The following AGPAT4 variants were observed in gnomAD, a reference collection of about 807,000 sequenced individuals.
AGPAT4 encodes the protein 1-acylglycerol-3-phosphate O-acyltransferase 4.
AGPAT4 carries 15 observed loss-of-function variants against 48.0 expected under a neutral mutation model. The observed-to-expected ratio is 0.31, with a 90% CI of 0.21 to 0.48. The LOEUF (loss-of-function observed/expected upper bound fraction) is 0.48, where lower values mean the gene tolerates loss of function less well. Among genes scored for constraint, AGPAT4 ranks in the 20% least tolerant of loss-of-function variants. The pLI is 0.99. For missense variants in AGPAT4, 314 were observed against 482.5 expected (o/e 0.65, Z 3.27); for synonymous variants, 178 against 198.7 (o/e 0.90, Z 0.88).
chr6:161,204,429 T>G lies in AGPAT4; in HGVS notation c.178+27607A>C, dbSNP rs920416298. The stretch of plus-strand genomic sequence containing the variant: ...GCATGTCTCCAATTTAATACTTACA[T>G]AACCAATTTTATCACCAGTTCCAAC... On this transcript the variant is annotated intron_variant, in intron 2 of 8. Transcript: ENST00000320285. The surrounding 1 kb of genome is among the most constrained non-coding windows in gnomAD (Gnocchi z 4.4). 6.6e-6 allele frequency among the ~76,000 whole-genome samples: 1 copy of G among 152,180 alleles called. No individual in the cohort carries two copies. The highest frequency in any genetic ancestry group is 2.4e-5 in the African/African-American group (1 of 41,448).
chr6:161,257,992 G>A (rs766748971), intron 1 of AGPAT4, among the ~76,000 whole-genome samples: 2 of 152,174 alleles, frequency 1.3e-5, no homozygotes, highest in Non-Finnish European at 2.9e-5. Context: ...AACTCAACAT[G>A]ATTTAGTTTT....
rs934768566 is a variant in AGPAT4, at chr6:161,219,962, A to G, written c.178+12074T>C. ...GGCAGGCAGGCAGACAGACAGACAG[A>G]CAGACAGGCAGGCAGATAGATACAT... On this transcript the variant is annotated intron_variant, in intron 2 of 8. Transcript: ENST00000320285. The surrounding 1 kb of genome is among the most constrained non-coding windows in gnomAD (Gnocchi z 4.9). Among the ~76,000 whole-genome samples, 24 of 150,794 alleles carry G rather than the reference A, an allele frequency of 1.6e-4. No homozygotes were observed. The highest frequency in any genetic ancestry group is 4.2e-4 in the African/African-American group (17 of 40,870).
At position 161,154,328 on chromosome 6, in the gene AGPAT4, GC is replaced by G; in HGVS notation, c.349-19del. ...TTGGAGCCCTGAAACAGAAGAAGGAGCCCAGGTGCCCATGAAGGAGACGTCA... is the reference window on the plus strand; with the variant it reads ...TTGGAGCCCTGAAACAGAAGAAGGAGCCAGGTGCCCATGAAGGAGACGTCA... On this transcript the variant is annotated intron_variant, in intron 3 of 8. Coordinates refer to ENST00000320285, the MANE Select transcript of AGPAT4 (RefSeq NM_020133.3). This position sits in a 1 kb window ranked among gnomAD's most constrained non-coding sequence, Gnocchi z 7.8. 1 of 1,613,680 alleles carries G rather than the reference GC, an allele frequency of 6.2e-7. No homozygotes were observed. The highest frequency in any genetic ancestry group is 8.5e-7 in the Non-Finnish European group (1 of 1,179,850).
At chr6:161,152,577 G>A (rs936340925) in intron 5 of AGPAT4, among the ~76,000 whole-genome samples, 3 of 152,226 alleles carry the variant, frequency 2.0e-5, no homozygotes, top group East Asian at 1.9e-4. Context: ...GGAGGAGTTC[G>A]GGGCCCCCTG....
intron 2 of AGPAT4, among the ~76,000 whole-genome samples, chr6:161,182,098 G>C (rs1288182981): frequency 6.6e-6 from 1 of 152,048 alleles, no homozygotes; most frequent in Non-Finnish European, 1.5e-5. Context: ...GCTCTGAACA[G>C]GCAGCAGGGC....
At position 161,177,847 on chromosome 6, in the gene AGPAT4, C is replaced by T. The variant is rs6902571; in HGVS notation, c.179-11430G>A. On this transcript the variant is annotated intron_variant, in intron 2 of 8. Transcript: ENST00000320285. This position sits in a 1 kb window ranked among gnomAD's most constrained non-coding sequence, Gnocchi z 5.0. Reference sequence around the variant, plus strand: ...GGAGTTTTAGTGTGGATGTCCTTTCCGTTTGTTAGTTTTCCTTCTAACAGT... The same window carrying T: ...GGAGTTTTAGTGTGGATGTCCTTTCTGTTTGTTAGTTTTCCTTCTAACAGT... 0.16 allele frequency among the ~76,000 whole-genome samples: 24,460 copies of T among 152,026 alleles called. 2,078 individuals carry two copies. Among genetic ancestry groups the T allele is most frequent in the Non-Finnish European group, 0.19 (13,026 of 67,934 alleles).
In AGPAT4 at chr6:161,222,045, G is replaced by A. The variant is rs1478132860; in HGVS notation, c.178+9991C>T. Among the ~76,000 whole-genome samples the A allele has an allele frequency of 6.6e-6, 1 of 152,160 alleles. No homozygotes were observed. Among genetic ancestry groups the A allele is most frequent in the Non-Finnish European group, 1.5e-5 (1 of 68,042 alleles). On this transcript the variant is annotated intron_variant, in intron 2 of 8. Coordinates refer to ENST00000320285, the MANE Select transcript of AGPAT4 (RefSeq NM_020133.3). The surrounding 1 kb of genome is among the most constrained non-coding windows in gnomAD (Gnocchi z 5.9). ...TCTCAGTTCCTTTCCACGAATGACT[G>A]CAATATTTGGGATGAGGGTTGACTA...
intron 8 of AGPAT4, among the ~76,000 whole-genome samples, chr6:161,136,863 T>C (rs1451411897): frequency 6.6e-6 from 1 of 152,200 alleles, no homozygotes; most frequent in African/African-American, 2.4e-5. Context: ...TTTTCCTCCT[T>C]GGACCCTGAA....
Position 161,231,317 on chromosome 6 carries a change from C to T in AGPAT4, c.178+719G>A, listed in dbSNP as rs1354022402. On this transcript the variant is annotated intron_variant, in intron 2 of 8. Transcript: ENST00000320285. The surrounding 1 kb of genome is among the most constrained non-coding windows in gnomAD (Gnocchi z 5.3). The stretch of plus-strand genomic sequence containing the variant: ...ATCTTTTTAATTGTTGAAACTCAGG[C>T]CAGTCAAATTAGTCATGTATGAAAT... Among the ~76,000 whole-genome samples, 1 of 152,072 alleles carries T rather than the reference C, an allele frequency of 6.6e-6. No homozygotes were observed. Among genetic ancestry groups the T allele is most frequent in the Non-Finnish European group, 1.5e-5 (1 of 68,020 alleles).
rs1780452089 is a variant in AGPAT4, at chr6:161,177,214, C to T, written c.179-10797G>A. 6.6e-6 allele frequency among the ~76,000 whole-genome samples: 1 copy of T among 152,200 alleles called. No homozygotes were observed. Among genetic ancestry groups the T allele is most frequent in the African/African-American group, 2.4e-5 (1 of 41,452 alleles). On this transcript the variant is annotated intron_variant, in intron 2 of 8. Coordinates refer to ENST00000320285, the MANE Select transcript of AGPAT4 (RefSeq NM_020133.3). The surrounding 1 kb of genome is among the most constrained non-coding windows in gnomAD (Gnocchi z 5.0). ...GCCTTGATAGGTTGGGGAAGTTATC[C>T]TGGATAATATCCTGTAGAGTGTTTT... is the stretch of plus-strand genomic sequence containing the variant.
In AGPAT4 at chr6:161,261,007, C is replaced by A. The variant is rs887021586; in HGVS notation, c.-90+12931G>T. ...GCACACTGAACCACGTCTTCGCCTT[C>A]TAGAATTTCCTGAGCAGGGCTCACT... On this transcript the variant is annotated intron_variant, in intron 1 of 8. Transcript: ENST00000320285. This position sits in a 1 kb window ranked among gnomAD's most constrained non-coding sequence, Gnocchi z 5.3. Among the ~76,000 whole-genome samples, 1 of 152,252 alleles carries A rather than the reference C, an allele frequency of 6.6e-6. No individual in the cohort carries two copies. Among genetic ancestry groups the A allele is most frequent in the Non-Finnish European group, 1.5e-5 (1 of 68,050 alleles).
At chr6:161,253,266 T>A (rs897494053) in intron 1 of AGPAT4, among the ~76,000 whole-genome samples, 1 of 151,072 alleles carries the variant, frequency 6.6e-6, no homozygotes, top group African/African-American at 2.4e-5. Context: ...TTTAATTTTT[T>A]TTTTTTGAGA....
rs1380344940 is a variant in AGPAT4, at chr6:161,138,826, A to C, written c.1042+596T>G. The stretch of plus-strand genomic sequence containing the variant: ...CGGACCTGCTGTTCACAGGGCAGGA[A>C]GCAGGCACGACAGGCTGCCCCGCCA... On this transcript the variant is annotated intron_variant, in intron 8 of 8. Coordinates refer to ENST00000320285, the MANE Select transcript of AGPAT4 (RefSeq NM_020133.3). The surrounding 1 kb of genome is among the most constrained non-coding windows in gnomAD (Gnocchi z 4.8). Among the ~76,000 whole-genome samples the C allele has an allele frequency of 6.6e-6, 1 of 152,156 alleles. No individual in the cohort carries two copies. The highest frequency in any genetic ancestry group is 1.9e-4 in the East Asian group (1 of 5,188).
Position 161,229,660 on chromosome 6 carries a change from T to C in AGPAT4, c.178+2376A>G, listed in dbSNP as rs1247494516. On this transcript the variant is annotated intron_variant, in intron 2 of 8. Coordinates refer to ENST00000320285, the MANE Select transcript of AGPAT4 (RefSeq NM_020133.3). This position sits in a 1 kb window ranked among gnomAD's most constrained non-coding sequence, Gnocchi z 6.0. ...GATAGTTTGCACTGGCTTATCACCATGAGGTGCCCACGAGCCACCCAGGAT... is the reference window on the plus strand; with the variant it reads ...GATAGTTTGCACTGGCTTATCACCACGAGGTGCCCACGAGCCACCCAGGAT... Among the ~76,000 whole-genome samples the C allele has an allele frequency of 6.6e-6, 1 of 152,184 alleles. No individual in the cohort carries two copies. The highest frequency in any genetic ancestry group is 2.4e-5 in the African/African-American group (1 of 41,450).
chr6:161,197,640 T>C lies in AGPAT4; in HGVS notation c.179-31223A>G, dbSNP rs186870669. Reference sequence around the variant, plus strand: ...CCAGACATCTTTACATTCCCTGCTGTTCCTAACCTAGAGCCGTTGTCTTGC... The same window carrying C: ...CCAGACATCTTTACATTCCCTGCTGCTCCTAACCTAGAGCCGTTGTCTTGC... On this transcript the variant is annotated intron_variant, in intron 2 of 8. Transcript: ENST00000320285. This position sits in a 1 kb window ranked among gnomAD's most constrained non-coding sequence, Gnocchi z 5.7. Among the ~76,000 whole-genome samples the C allele has an allele frequency of 1.3e-5, 2 of 152,270 alleles. No homozygotes were observed. Among genetic ancestry groups the C allele is most frequent in the Admixed American group, 1.3e-4 (2 of 15,296 alleles).
At chr6:161,203,665 TG>T (rs1011925841) in intron 2 of AGPAT4, among the ~76,000 whole-genome samples, 4 of 152,132 alleles carry the variant, frequency 2.6e-5, no homozygotes, top group African/African-American at 9.7e-5. Context: ...CCCAAAGTGC[TG>T]GGATTACAGG....
chr6:161,171,842 G>A lies in AGPAT4; in HGVS notation c.179-5425C>T, dbSNP rs1056219585. Among the ~76,000 whole-genome samples, 2 of 152,200 alleles carry A rather than the reference G, an allele frequency of 1.3e-5. No homozygotes were observed. The highest frequency in any genetic ancestry group is 4.8e-5 in the African/African-American group (2 of 41,440). On this transcript the variant is annotated intron_variant, in intron 2 of 8. Transcript: ENST00000320285. This position sits in a 1 kb window ranked among gnomAD's most constrained non-coding sequence, Gnocchi z 4.4. ...ATGAACCCAGGAGGCTGCACTTGCA[G>A]TGAGCCAAGATCGCACCACTGCACT...
rs532559819 is a variant in AGPAT4, at chr6:161,178,373, C to T, written c.179-11956G>A. On this transcript the variant is annotated intron_variant, in intron 2 of 8. Coordinates refer to ENST00000320285, the MANE Select transcript of AGPAT4 (RefSeq NM_020133.3). The surrounding 1 kb of genome is among the most constrained non-coding windows in gnomAD (Gnocchi z 5.1). Reference sequence around the variant, plus strand: ...CGAACCTCGCTGCCGCCTTGCAGTTCGATCAGACTTCTGTGCTAGCAATGA... The same window carrying T: ...CGAACCTCGCTGCCGCCTTGCAGTTTGATCAGACTTCTGTGCTAGCAATGA... 2.4e-4 allele frequency among the ~76,000 whole-genome samples: 36 copies of T among 152,336 alleles called. 1 individual carries two copies. Among genetic ancestry groups the T allele is most frequent in the East Asian group, 1.2e-3 (6 of 5,182 alleles).
At position 161,266,517 on chromosome 6, in the gene AGPAT4, TG is replaced by T. The variant is rs1295698022; in HGVS notation, c.-90+7420del. The stretch of plus-strand genomic sequence containing the variant: ...GAGTGACTGTTTTATGAAGGGTGAA[TG>T]GGGTGATGGGAGAGCGTCAGGAAAG... On this transcript the variant is annotated intron_variant, in intron 1 of 8. Coordinates refer to ENST00000320285, the MANE Select transcript of AGPAT4 (RefSeq NM_020133.3). The surrounding 1 kb of genome is among the most constrained non-coding windows in gnomAD (Gnocchi z 6.2). Among the ~76,000 whole-genome samples, 4 of 152,042 alleles carry T rather than the reference TG, an allele frequency of 2.6e-5. No homozygotes were observed. Among genetic ancestry groups the T allele is most frequent in the African/African-American group, 9.7e-5 (4 of 41,404 alleles).
Sources: allele counts gnomAD v4.1 joint callset (sites outside exome capture counted in the v4.1 genomes callset), GRCh38; gene constraint gnomAD v4.1.1; non-coding constraint Gnocchi (gnomAD v3.1); transcripts MANE v1.5; gene names NCBI Gene and HGNC (gene_info 2026-07-23, HGNC 2026-07-21).